The following MERTK variants were observed in gnomAD, a reference collection of about 807,000 sequenced individuals.
MERTK encodes the protein MER proto-oncogene, tyrosine kinase.
MERTK carries 69 observed loss-of-function variants against 99.3 expected under a neutral mutation model. That is an observed-to-expected ratio of 0.70 (90% CI 0.57 to 0.85). MERTK has a LOEUF of 0.85. Ranked by LOEUF, MERTK falls within the 40% of genes least tolerant of loss-of-function variation. The pLI is 0.00. For missense variants in MERTK, 1,125 were observed against 1,249.4 expected, an observed-to-expected ratio of 0.90 and a Z score of 1.50; for synonymous variants, 426 against 467.6, an observed-to-expected ratio of 0.91 and a Z score of 1.15.
chr2:111,976,446 G>A (rs1676251246), intron 7 of MERTK, among the ~76,000 whole-genome samples: 1 of 151,954 alleles, frequency 6.6e-6, no homozygotes, highest in South Asian at 2.1e-4. Flanking sequence ...CCCCTGAGGC[G>A]TAAAGCACCC....
chr2:111,915,246 G>C (rs1256552464), intron 1 of MERTK, among the ~76,000 whole-genome samples: 1 of 152,014 alleles, frequency 6.6e-6, no homozygotes, highest in Non-Finnish European at 1.5e-5. Flanking sequence ...TTTTATTCCT[G>C]ATATTAACAA....
intron 15 of MERTK, among the ~76,000 whole-genome samples, chr2:112,019,042 G>A (rs1366164193): frequency 1.3e-5 from 2 of 151,862 alleles, no homozygotes; most frequent in South Asian, 2.1e-4. Flanking sequence ...ACACCTCGCC[G>A]CTGCTGAAGC....
intron 1 of MERTK, among the ~76,000 whole-genome samples, chr2:111,927,509 G>T (rs1573576359): frequency 1.3e-5 from 2 of 152,080 alleles, no homozygotes; most frequent in African/African-American, 4.8e-5. Context: ...CTCCCTACAA[G>T]AAAAAATTTT....
intron 15 of MERTK, among the ~76,000 whole-genome samples, chr2:112,010,674 T>C (rs1677080393): frequency 6.6e-6 from 1 of 152,160 alleles, no homozygotes; most frequent in African/African-American, 2.4e-5. Flanking sequence ...GTATTGACTT[T>C]GAGGGCTGTA....
intron 14 of MERTK, chr2:112,008,861 G>A (rs780805197): frequency 1.0e-5 from 3 of 296,264 alleles, no homozygotes; most frequent in Admixed American, 4.7e-5. Context: ...AATTCCGTAG[G>A]TTTATCTTTG....
Position 111,929,126 on chromosome 2 carries a change from C to A in MERTK, c.68C>A (p.Thr23Asn), listed in dbSNP as rs781350196. The A allele has an allele frequency of 1.9e-6, 3 of 1,614,196 alleles. No individual in the cohort carries two copies. The highest frequency in any genetic ancestry group is 2.5e-6 in the Non-Finnish European group (3 of 1,180,038). Reference protein sequence around the residue: ...FLPALWRRAITEAREEAKPYP... With the variant: ...FLPALWRRAINEAREEAKPYP... ...TGGATGTTCTGTTTTACAGCTATCA[C>A]TGAGGCAAGGGAAGAAGCCAAGCCT... The change falls in exon 2 of 19, where the codon ACT becomes AAT. Residue 23 changes from threonine (T) to asparagine (N), a missense_variant. Transcript: ENST00000295408.
intron 17 of MERTK, 147 bp from the exon 18 acceptor site, chr2:112,022,111 G>T: frequency 9.3e-7 from 1 of 1,079,912 alleles, no homozygotes; most frequent in Non-Finnish European, 1.4e-6. Context: ...CGTTATTGCC[G>T]CGTTGGGAGA....
At position 111,961,458 on chromosome 2, in the gene MERTK, G is replaced by A. The variant is rs533693539; in HGVS notation, c.758-3733G>A. ...GCATGAGCCACCGCACCCGGCCGGC[G>A]TTTTAAATTTTCAAGAGAATTTAAT... On this transcript the variant is annotated intron_variant, in intron 4 of 18. Coordinates refer to ENST00000295408, the MANE Select transcript of MERTK (RefSeq NM_006343.3). Among the ~76,000 whole-genome samples, 148 of 152,056 alleles carry A rather than the reference G, an allele frequency of 9.7e-4. 2 individuals are homozygous for A. Among genetic ancestry groups the A allele is most frequent in the African/African-American group, 3.2e-3 (134 of 41,496 alleles).
At chr2:111,909,215 C>T (rs72938415) in intron 1 of MERTK, among the ~76,000 whole-genome samples, 5,408 of 152,088 alleles carry the variant, frequency 0.036, 310 homozygotes, top group African/African-American at 0.12. Context: ...GGCCAGGTCT[C>T]GGTAACGCAG....
chr2:112,028,427 G>C lies in MERTK; in HGVS notation c.2563G>C (p.Glu855Gln), dbSNP rs1279786385. ...PTFSVLRLQL[E>Q]KLLESLPDVR... is the part of the protein sequence containing the mutation. ...CTTTTCAGTATTGAGGCTGCAGCTA[G>C]AAAAACTCTTAGAAAGTTTGCCTGA... Residue 855 changes from glutamate to glutamine, a missense_variant, in exon 19 of 19, where the codon GAA (glutamate) becomes CAA (glutamine). Coordinates refer to ENST00000295408, the MANE Select transcript of MERTK (RefSeq NM_006343.3). 6.2e-7 allele frequency: 1 copy of C among 1,614,158 alleles called. No individual in the cohort carries two copies. Among genetic ancestry groups the C allele is most frequent in the African/African-American group, 1.3e-5 (1 of 75,046 alleles).
chr2:111,915,537 C>A (rs1194621608), intron 1 of MERTK, among the ~76,000 whole-genome samples: 1 of 151,508 alleles, frequency 6.6e-6, no homozygotes. Flanking sequence ...TGACATGTTG[C>A]GTTTTTATTT....
chr2:111,913,017 G>A (rs1304930568), intron 1 of MERTK: 5 of 985,112 alleles, frequency 5.1e-6, no homozygotes, highest in African/African-American at 1.7e-5. Flanking sequence ...CACAGGATTA[G>A]AGAAGACTGT....
At chr2:112,020,690 T>A (rs773998958) in intron 16 of MERTK, 33 of 471,000 alleles carry the variant, frequency 7.0e-5, no homozygotes, top group Admixed American at 2.3e-4. Flanking sequence ...TCAGGGGGCT[T>A]ACTTAGTCCT....
intron 1 of MERTK, among the ~76,000 whole-genome samples, chr2:111,907,324 G>C (rs924268820): frequency 1.3e-5 from 2 of 152,208 alleles, no homozygotes; most frequent in African/African-American, 4.8e-5. Flanking sequence ...TGAGGCAGAA[G>C]AATCACTTGA....
At chr2:112,021,218 A>T (rs1677339882) in intron 16 of MERTK, 1 of 217,634 alleles carries the variant, frequency 4.6e-6, no homozygotes, top group Non-Finnish European at 7.8e-6. Flanking sequence ...CAAAAAAAAA[A>T]TTGCATCACT....
intron 7 of MERTK, among the ~76,000 whole-genome samples, chr2:111,979,149 G>C (rs1460158221): frequency 6.6e-6 from 1 of 152,100 alleles, no homozygotes; most frequent in African/African-American, 2.4e-5. Context: ...GCCTTTCTTA[G>C]TTTATGCCCT....
intron 4 of MERTK, 26 bp from the exon 5 acceptor site, chr2:111,965,165 G>T (rs1227792418): frequency 6.2e-7 from 1 of 1,603,044 alleles, no homozygotes; most frequent in Admixed American, 1.7e-5. Flanking sequence ...TCTGCTGCTG[G>T]TCTCATGAGT....
chr2:111,912,616 G>A (rs1321253982), intron 1 of MERTK, among the ~76,000 whole-genome samples: 1 of 152,140 alleles, frequency 6.6e-6, no homozygotes, highest in Non-Finnish European at 1.5e-5. Flanking sequence ...TTATAGGCAG[G>A]TTATTGCCAT....
At chr2:112,003,420 AT>A in intron 12 of MERTK, 4 of 385,878 alleles carry the variant, frequency 1.0e-5, no homozygotes, top group Non-Finnish European at 1.9e-5. Flanking sequence ...AAAAATATTA[AT>A]TTTCTTTCTT....
Sources: gnomAD v4.1 joint callset for allele counts (sites outside exome capture counted in the v4.1 genomes callset) on GRCh38, gnomAD v4.1.1 for gene constraint, MANE v1.5 for transcripts, NCBI Gene and HGNC (gene_info 2026-07-23, HGNC 2026-07-21) for gene names.